The following HNRNPLL variants were observed in gnomAD, a reference collection of about 807,000 sequenced individuals.
The protein encoded by HNRNPLL is heterogeneous nuclear ribonucleoprotein L like, also known as heterogeneous nuclear ribonucleoprotein L-like.
A neutral mutation model predicts 67.1 loss-of-function variants in HNRNPLL; 25 were observed. That is an observed-to-expected ratio of 0.37 (90% confidence interval 0.27 to 0.52). HNRNPLL has a LOEUF of 0.52. HNRNPLL is among the 20% of genes least tolerant of loss of function. The pLI, the probability that HNRNPLL is intolerant of heterozygous loss-of-function variation, is 0.90. For synonymous variants in HNRNPLL, 267 were observed against 241.7 expected (o/e 1.10, Z -0.97); for missense variants, 542 against 673.9 (o/e 0.80, Z 2.17).
At chr2:38,596,550 G>A (rs891490872) in intron 1 of HNRNPLL, among the ~76,000 whole-genome samples, 11 of 152,094 alleles carry the variant, frequency 7.2e-5, no homozygotes, top group Admixed American at 6.5e-4. Flanking sequence ...GAGCCACCGC[G>A]CCCCGCCTGT....
intron 6 of HNRNPLL, 81 bp downstream of exon 6, chr2:38,581,832 C>T: frequency 1.1e-6 from 1 of 879,512 alleles, no homozygotes; most frequent in Non-Finnish European, 1.9e-6. Context: ...TTAACTAGCT[C>T]ATCTCAGGAA....
intron 8 of HNRNPLL, among the ~76,000 whole-genome samples, chr2:38,572,886 G>C (rs1666147324): frequency 6.6e-6 from 1 of 151,994 alleles, no homozygotes; most frequent in Non-Finnish European, 1.5e-5. Context: ...CTTTCAACCT[G>C]TTAAACGCTA....
At chr2:38,568,506 A>C in intron 10 of HNRNPLL, 63 bp from the exon 11 acceptor site, 1 of 1,087,958 alleles carries the variant, frequency 9.2e-7, no homozygotes. Context: ...TTTTTTACAG[A>C]AAGTAAACTT....
chr2:38,583,912 A>G lies in HNRNPLL; in HGVS notation c.561T>C (p.Thr187=), dbSNP rs150028190. ...LYPITVDVLY[T]VCNPVGKVQR... ...GCACTTTGCCAACAGGGTTGCATAC[A>G]GTATATAAAACATCCTATGAAGGAA... Residue 187 remains threonine, a synonymous_variant, in exon 4 of 13, where the codon ACT becomes ACC. Coordinates refer to ENST00000449105, the MANE Select transcript of HNRNPLL (RefSeq NM_138394.4). 1.3e-5 allele frequency: 19 copies of G among 1,495,430 alleles called. No individual in the cohort carries two copies. The highest frequency in any genetic ancestry group is 1.6e-5 in the Non-Finnish European group (18 of 1,092,856). 92.6% of individuals were successfully genotyped at this position (1,495,430 alleles called of 1,614,324 possible). A position where few individuals can be genotyped will look rare whatever the true frequency, so the allele number is the denominator to read the frequency against.
intron 3 of HNRNPLL, among the ~76,000 whole-genome samples, chr2:38,584,508 G>C (rs535766083): frequency 2.0e-5 from 3 of 152,168 alleles, no homozygotes; most frequent in South Asian, 4.2e-4. Flanking sequence ...CTTAACAGGT[G>C]ACTAAAATAA....
Position 38,602,904 on chromosome 2 carries a change from T to A in HNRNPLL, c.-278A>T, listed in dbSNP as rs778326900. On this transcript the variant is annotated 5_prime_UTR_variant, in exon 1 of 13. Coordinates refer to ENST00000449105, the MANE Select transcript of HNRNPLL (RefSeq NM_138394.4). ...CTCCTCCTCCTCCGTCTCCGCTCCC[T>A]GCCCGGAGGAGCGAATCTAAGGATG... is the stretch of plus-strand genomic sequence containing the variant. 2.3e-5 allele frequency: 36 copies of A among 1,534,814 alleles called. No individual in the cohort carries two copies. In the African/African-American group the frequency reaches 3.2e-4, roughly 14 times the overall value.
In HNRNPLL at chr2:38,563,809, TAAA is replaced by T. The variant is rs1450803582; in HGVS notation, c.*370_*372del. On this transcript the variant is annotated 3_prime_UTR_variant, in exon 13 of 13. Coordinates refer to ENST00000449105, the MANE Select transcript of HNRNPLL (RefSeq NM_138394.4). ...TAAACATATAATAGGAATTCTATATTAAAATGCAATACTTTCACCTGCATTAAT... is the reference window on the plus strand; with the variant it reads ...TAAACATATAATAGGAATTCTATATTATGCAATACTTTCACCTGCATTAAT... The T allele has an allele frequency of 6.2e-6, 1 of 161,318 alleles. No individual in the cohort carries two copies. The highest frequency in any genetic ancestry group is 1.3e-5 in the Non-Finnish European group (1 of 74,290). The allele number at this position is 161,318 out of a possible 1,614,324, so 10.0% of individuals were successfully genotyped here. A position where few individuals can be genotyped will look rare whatever the true frequency, so the allele number is the denominator to read the frequency against.
intron 2 of HNRNPLL, among the ~76,000 whole-genome samples, chr2:38,588,889 C>G (rs149589265): frequency 6.6e-6 from 1 of 151,932 alleles, no homozygotes; most frequent in African/African-American, 2.4e-5. Flanking sequence ...TGGGAGATCA[C>G]AGAGAGAAAA....
chr2:38,594,108 G>A (rs1029552263), intron 1 of HNRNPLL, among the ~76,000 whole-genome samples: 2 of 145,712 alleles, frequency 1.4e-5, no homozygotes, highest in African/African-American at 5.1e-5. Context: ...CCAGGAGGCA[G>A]AGCTTGCAGT....
At chr2:38,582,322 T>C in intron 4 of HNRNPLL, 154 bp from the exon 5 acceptor site, 1 of 679,552 alleles carries the variant, frequency 1.5e-6, no homozygotes, top group South Asian at 1.8e-5. Flanking sequence ...TTTTTTGTTT[T>C]GTTTTGTTTT....
At chr2:38,574,142 G>A (rs1031502728) in intron 7 of HNRNPLL, among the ~76,000 whole-genome samples, 17 of 151,840 alleles carry the variant, frequency 1.1e-4, no homozygotes, top group Non-Finnish European at 4.4e-5. Flanking sequence ...TCCTCATTAA[G>A]AATCAACTTG....
At chr2:38,581,225 A>T (rs1454089144) in intron 6 of HNRNPLL, 2 of 152,262 alleles carry the variant, frequency 1.3e-5, no homozygotes, top group African/African-American at 4.8e-5. Flanking sequence ...ATTAAGATTT[A>T]CAACATTGCA....
intron 6 of HNRNPLL, chr2:38,581,126 T>C (rs1558536895): frequency 6.6e-6 from 1 of 152,224 alleles, no homozygotes; most frequent in Admixed American, 6.5e-5. Flanking sequence ...TTGAGCATTA[T>C]CAATTCCCAA....
Position 38,582,081 on chromosome 2 carries a change from T to C in HNRNPLL, c.720A>G (p.Glu240=). 3.1e-6 allele frequency: 5 copies of C among 1,612,974 alleles called. No homozygotes were observed. The highest frequency in any genetic ancestry group is 3.4e-6 in the Non-Finnish European group (4 of 1,178,974). The change falls in exon 5 of 13, where the codon GAA becomes GAG. Residue 240 remains glutamate (E), a synonymous_variant. Transcript: ENST00000449105. Reference sequence around the variant, plus strand: ...TGAAAAAAATATTTACCCGTGCATATTCAATTTTTAGTGTGCAACATCCAG... The same window carrying C: ...TGAAAAAAATATTTACCCGTGCATACTCAATTTTTAGTGTGCAACATCCAG... ...IYAGCCTLKI[E]YARPTRLNVI...
intron 6 of HNRNPLL, 85 bp downstream of exon 6, chr2:38,581,828 A>C: frequency 6.0e-6 from 5 of 829,702 alleles, no homozygotes; most frequent in African/African-American, 1.7e-5. Flanking sequence ...TGAATTAACT[A>C]GCTCATCTCA....
chr2:38,597,590 T>C (rs372823624), intron 1 of HNRNPLL, among the ~76,000 whole-genome samples: 19 of 152,310 alleles, frequency 1.2e-4, no homozygotes, highest in Admixed American at 2.6e-4. Context: ...ATCTAAAACA[T>C]AGGGAAACTA....
intron 10 of HNRNPLL, among the ~76,000 whole-genome samples, chr2:38,568,734 T>C (rs972539777): frequency 7.9e-5 from 12 of 152,090 alleles, no homozygotes; most frequent in African/African-American, 2.2e-4. Flanking sequence ...AGGTAGGGAG[T>C]AGAGTTCCAC....
intron 4 of HNRNPLL, 39 bp downstream of exon 4, chr2:38,583,802 T>G: frequency 1.1e-6 from 1 of 942,260 alleles, no homozygotes; most frequent in Non-Finnish European, 1.6e-6. Context: ...AAGATCCGTA[T>G]GAATTACACA....
rs771347850 is a variant in HNRNPLL at position 38,569,142 on chromosome 2, G to A, written c.1407C>T (p.Thr469=). 6.2e-7 allele frequency: 1 copy of A among 1,602,100 alleles called. No individual in the cohort carries two copies. The highest frequency in any genetic ancestry group is 8.6e-7 in the Non-Finnish European group (1 of 1,169,168). ...YNVPLCVTEE[T]FTKLCNDHEV... Reference sequence around the variant, plus strand: ...GTATTTCAGTGCCTACCTTTGTGAAGGTCTCTTCTGTGACACACAATGGAA... The same window carrying A: ...GTATTTCAGTGCCTACCTTTGTGAAAGTCTCTTCTGTGACACACAATGGAA... Residue 469 remains threonine (T), a synonymous_variant, in exon 10 of 13, where the codon ACC becomes ACT. Transcript: ENST00000449105.
Sources: allele counts gnomAD v4.1 joint callset (sites outside exome capture counted in the v4.1 genomes callset), GRCh38; gene constraint gnomAD v4.1.1; transcripts MANE v1.5; gene names NCBI Gene and HGNC (gene_info 2026-07-23, HGNC 2026-07-21).